The following PDE12 variants were observed in gnomAD, a reference collection of about 807,000 sequenced individuals.
PDE12 encodes the protein 2',5'-phosphodiesterase 12.
Under a neutral mutation model 45.4 loss-of-function variants are expected in PDE12, and 26 were observed. That is an observed-to-expected ratio of 0.57 (90% CI 0.42 to 0.79). The LOEUF is 0.79. Ranked by LOEUF, PDE12 falls within the 30% of genes least tolerant of loss-of-function variation. The pLI is 0.00. For synonymous variants in PDE12, 283 were observed against 323.9 expected (o/e 0.87, Z 1.36); for missense variants, 668 against 790.0 (o/e 0.85, Z 1.85).
chr3:57,623,779 T>C, the PDE12 span, among the ~76,000 whole-genome samples: 2 of 152,280 alleles, frequency 1.3e-5, no homozygotes, highest in East Asian at 1.9e-4. Context: ...ATTTATACCA[T>C]AATGTATTCA....
chr3:57,634,833 T>A, the PDE12 span: 3 of 1,248,412 alleles, frequency 2.4e-6, no homozygotes, highest in Non-Finnish European at 3.3e-6. Flanking sequence ...AAATTGGAAC[T>A]TTATAAGATT....
the PDE12 span, among the ~76,000 whole-genome samples, chr3:57,576,650 G>T: frequency 6.6e-6 from 1 of 151,474 alleles, no homozygotes; most frequent in Non-Finnish European, 1.5e-5. Context: ...CAAGAATTAA[G>T]ATTTCATTTC....
chr3:57,618,797 A>G, the PDE12 span, among the ~76,000 whole-genome samples: 1 of 151,156 alleles, frequency 6.6e-6, no homozygotes, highest in Admixed American at 6.6e-5. Context: ...TAGTAGAGAC[A>G]GGGTTTCACC....
Position 57,557,334 on chromosome 3 carries a change from C to T in PDE12, c.955C>T (p.Pro319Ser), listed in dbSNP as rs775655266. 2.5e-6 allele frequency: 4 copies of T among 1,613,958 alleles called. No homozygotes were observed. Among genetic ancestry groups the T allele is most frequent in the South Asian group, 2.2e-5 (2 of 91,086 alleles). The change falls in exon 1 of 3, where the codon CCA (proline) becomes TCA (serine). Residue 319 changes from proline (P) to serine (S), a missense_variant. Physicochemically the swap from Pro to Ser is moderately conservative, Grantham distance 74. Transcript: ENST00000311180. ...QTEFSRTVLY[P>S]YCAPYALELD... ...TGAGTTCTCGCGAACGGTTCTGTACCCATACTGTGCCCCCTACGCCCTGGA... is the reference window on the plus strand; with the variant it reads ...TGAGTTCTCGCGAACGGTTCTGTACTCATACTGTGCCCCCTACGCCCTGGA...
Position 57,557,700 on chromosome 3 carries a change from C to T in PDE12, c.1308+13C>T. 6.2e-7 allele frequency: 1 copy of T among 1,607,958 alleles called. No individual in the cohort carries two copies. ...TTCTGTTCTTCAGGTAAAGTAGTTC[C>T]GCCCGTCTCTTCACATACTGTCCCA... On this transcript the variant is annotated intron_variant, in intron 1 of 2. Transcript: ENST00000311180.
chr3:57,636,457 G>A, the PDE12 span, among the ~76,000 whole-genome samples: 19,409 of 152,066 alleles, frequency 0.13, 1,352 homozygotes, highest in South Asian at 0.21. Context: ...CTAATTACCC[G>A]TATCAATGAG....
chr3:57,632,138 G>A, the PDE12 span, among the ~76,000 whole-genome samples: 1 of 150,146 alleles, frequency 6.7e-6, no homozygotes, highest in African/African-American at 2.5e-5. Flanking sequence ...TCCTGCCTCA[G>A]CCTCTAGAGC....
chr3:57,568,556 C>T (rs1251096007), downstream of PDE12, among the ~76,000 whole-genome samples: 1 of 151,116 alleles, frequency 6.6e-6, no homozygotes, highest in Admixed American at 6.6e-5. Context: ...GAATGAGACA[C>T]CAATACTCTC....
At chr3:57,640,247 T>C in the PDE12 span, among the ~76,000 whole-genome samples, 121,373 of 147,334 alleles carry the variant, frequency 0.82, 50,138 homozygotes, top group East Asian at 1. Flanking sequence ...CCAGCCTGGG[T>C]GACAGAGTGA....
chr3:57,598,712 CGGAGGTTGCAGTGA>C, the PDE12 span, among the ~76,000 whole-genome samples: 1 of 152,082 alleles, frequency 6.6e-6, no homozygotes, highest in African/African-American at 2.4e-5. Context: ...ACCCGGGAGG[CGGAGGTTGCAGTGA>C]GCGGAGATCG....
the PDE12 span, among the ~76,000 whole-genome samples, chr3:57,590,443 G>A: frequency 6.6e-6 from 1 of 152,030 alleles, no homozygotes; most frequent in African/African-American, 2.4e-5. Flanking sequence ...CCGAGATTGC[G>A]CCACTGCACT....
downstream of PDE12, among the ~76,000 whole-genome samples, chr3:57,568,666 C>T (rs542427647): frequency 1.3e-5 from 2 of 151,456 alleles, no homozygotes; most frequent in Non-Finnish European, 2.9e-5. Flanking sequence ...AAGGATCCTC[C>T]CGCCTCAGCC....
the PDE12 span, among the ~76,000 whole-genome samples, chr3:57,608,532 C>G: frequency 0.75 from 112,899 of 151,228 alleles, 44,282 homozygotes; most frequent in East Asian, 1. Flanking sequence ...AAAATAAAGG[C>G]ATGGAGGAAG....
chr3:57,598,191 CCGGCCTGCTACACCT>C, the PDE12 span: 8 of 151,950 alleles, frequency 5.3e-5, no homozygotes, highest in African/African-American at 1.9e-4. Flanking sequence ...CTCACCGCGC[CCGGCCTGCTACACCT>C]TTTAAAATTC....
downstream of PDE12, among the ~76,000 whole-genome samples, chr3:57,570,208 G>T (rs1434538250): frequency 7.2e-6 from 1 of 139,454 alleles, no homozygotes. Context: ...TTTCCTTTTG[G>T]TTAATCCAGT....
the PDE12 span, among the ~76,000 whole-genome samples, chr3:57,598,809 C>T: frequency 6.6e-6 from 1 of 151,926 alleles, no homozygotes; most frequent in African/African-American, 2.4e-5. Flanking sequence ...CAAAAAAACC[C>T]CAAAAACTTC....
At chr3:57,621,473 C>T in the PDE12 span, among the ~76,000 whole-genome samples, 1 of 151,994 alleles carries the variant, frequency 6.6e-6, no homozygotes, top group African/African-American at 2.4e-5. Context: ...AGTTGGAGAC[C>T]AGCCTGGCCA....
At chr3:57,632,973 A>G in the PDE12 span, among the ~76,000 whole-genome samples, 3 of 152,224 alleles carry the variant, frequency 2.0e-5, no homozygotes, top group Non-Finnish European at 2.9e-5. Context: ...CATATAAAGT[A>G]TATCATTTAA....
At chr3:57,588,290 G>A in the PDE12 span, among the ~76,000 whole-genome samples, 2 of 152,190 alleles carry the variant, frequency 1.3e-5, no homozygotes, top group Non-Finnish European at 2.9e-5. Context: ...TTGCTGGCCA[G>A]GCAGTCACTC....
Sources: gnomAD v4.1 joint callset for allele counts (sites outside exome capture counted in the v4.1 genomes callset) on GRCh38, gnomAD v4.1.1 for gene constraint, MANE v1.5 for transcripts, NCBI Gene and HGNC (gene_info 2026-07-23, HGNC 2026-07-21) for gene names.